Variants in BICDL1 observed in about 807,000 individuals in gnomAD.
The protein encoded by BICDL1 is BICD family like cargo adaptor 1, also known as BICD family-like cargo adapter 1.
Under a neutral mutation model 76.8 loss-of-function variants are expected in BICDL1, and 20 were observed. The ratio of observed to expected loss-of-function variants is 0.26; its 90% CI spans 0.18 to 0.38. BICDL1 has a LOEUF of 0.38. Ranked by LOEUF, BICDL1 falls within the 10% of genes least tolerant of loss-of-function variation. The pLI, the probability that BICDL1 is intolerant of heterozygous loss-of-function variation, is 1.00. For missense variants in BICDL1, 700 were observed against 798.6 expected (o/e 0.88, Z 1.49); for synonymous variants, 383 against 337.1 (o/e 1.14, Z -1.49).
At chr12:119,997,783 A>G (rs376387657) in intron 1 of BICDL1, among the ~76,000 whole-genome samples, 15 of 152,160 alleles carry the variant, frequency 9.9e-5, no homozygotes, top group African/African-American at 3.1e-4. Flanking sequence ...GTATTATGCC[A>G]TGGATAATAG....
chr12:120,032,774 G>A (rs187900349), intron 2 of BICDL1, among the ~76,000 whole-genome samples: 3,170 of 139,400 alleles, frequency 0.023, 127 homozygotes, highest in African/African-American at 0.082. Flanking sequence ...TTGAGATGGA[G>A]TCTTGCTCTG....
intron 1 of BICDL1, among the ~76,000 whole-genome samples, chr12:119,998,131 A>T (rs1323834237): frequency 6.6e-6 from 1 of 152,124 alleles, no homozygotes; most frequent in Admixed American, 6.5e-5. Context: ...TGGGCGACAG[A>T]GCAAGACTCC....
intron 2 of BICDL1, among the ~76,000 whole-genome samples, chr12:120,033,044 C>T (rs1305117160): frequency 5.9e-5 from 9 of 151,974 alleles, no homozygotes; most frequent in Non-Finnish European, 1.2e-4. Context: ...CATGCCTGGC[C>T]TATAATTTTT....
At chr12:120,029,116 A>G (rs1302439096) in intron 2 of BICDL1, among the ~76,000 whole-genome samples, 1 of 152,224 alleles carries the variant, frequency 6.6e-6, no homozygotes, top group East Asian at 1.9e-4. Flanking sequence ...CTGAGGGTGC[A>G]GGGCCTTTAG....
intron 2 of BICDL1, among the ~76,000 whole-genome samples, chr12:120,032,108 C>G (rs1384760309): frequency 6.6e-6 from 1 of 151,996 alleles, no homozygotes; most frequent in Non-Finnish European, 1.5e-5. Flanking sequence ...AAAATACTTC[C>G]CACTGTATCT....
intron 7 of BICDL1, among the ~76,000 whole-genome samples, chr12:120,076,903 G>A (rs560714076): frequency 4.3e-4 from 66 of 152,372 alleles, no homozygotes; most frequent in African/African-American, 1.5e-3. Flanking sequence ...CACCCACTGC[G>A]TGCCTGGTGC....
At chr12:120,090,147 A>G (rs1483309313) in intron 9 of BICDL1, 76 bp downstream of exon 9, 3 of 1,557,522 alleles carry the variant, frequency 1.9e-6, no homozygotes, top group Admixed American at 3.6e-5. Context: ...GTGTAAGGAG[A>G]GTTTGCCACT....
At chr12:120,086,444 G>T (rs2139008165) in intron 8 of BICDL1, among the ~76,000 whole-genome samples, 1 of 152,348 alleles carries the variant, frequency 6.6e-6, no homozygotes, top group African/African-American at 2.4e-5. Context: ...GGAGCGCTCA[G>T]ACACCAGGAA....
In BICDL1 at chr12:120,093,624, C is replaced by G. The variant is rs909188074; in HGVS notation, c.*463C>G. ...GACCTGTGGGGGCAGCGGGCCAGGCCTGAGCCTCCATTCCTTCCCCAGCCC... is the reference window on the plus strand; with the variant it reads ...GACCTGTGGGGGCAGCGGGCCAGGCGTGAGCCTCCATTCCTTCCCCAGCCC... On this transcript the variant is annotated 3_prime_UTR_variant, in exon 10 of 10. Transcript: ENST00000548673. The G allele has an allele frequency of 1.1e-5, 2 of 174,308 alleles. No individual in the cohort carries two copies. Among genetic ancestry groups the G allele is most frequent in the African/African-American group, 4.8e-5 (2 of 41,658 alleles). 10.8% of individuals were successfully genotyped at this position (174,308 alleles called of 1,614,324 possible).
chr12:120,017,155 C>G (rs1191256966), intron 2 of BICDL1, among the ~76,000 whole-genome samples: 1 of 152,206 alleles, frequency 6.6e-6, no homozygotes, highest in Admixed American at 6.5e-5. Context: ...CCTGGCCTCC[C>G]AAAGTGCTGG....
intron 6 of BICDL1, among the ~76,000 whole-genome samples, 197 bp downstream of exon 6, chr12:120,072,926 G>A (rs1196701909): frequency 6.6e-6 from 1 of 152,134 alleles, no homozygotes; most frequent in Non-Finnish European, 1.5e-5. Context: ...GCTGGAGTGA[G>A]GTGGCACAAT....
intron 2 of BICDL1, among the ~76,000 whole-genome samples, chr12:120,029,234 T>C (rs1316043655): frequency 6.6e-6 from 1 of 152,194 alleles, no homozygotes; most frequent in Non-Finnish European, 1.5e-5. Flanking sequence ...GAATGTACTA[T>C]GCAACCCCAG....
At chr12:120,015,749 A>G (rs1413911645) in intron 2 of BICDL1, among the ~76,000 whole-genome samples, 2 of 152,238 alleles carry the variant, frequency 1.3e-5, no homozygotes, top group Non-Finnish European at 2.9e-5. Context: ...GAACCCACCC[A>G]GAGAATTATT....
chr12:120,053,948 G>A (rs944162027), intron 2 of BICDL1, among the ~76,000 whole-genome samples: 2 of 151,952 alleles, frequency 1.3e-5, no homozygotes, highest in African/African-American at 4.8e-5. Flanking sequence ...CAAGGTGGGC[G>A]GATCACCTGA....
intron 2 of BICDL1, among the ~76,000 whole-genome samples, chr12:120,043,364 A>G (rs568181469): frequency 6.6e-6 from 1 of 152,374 alleles, no homozygotes; most frequent in South Asian, 2.1e-4. Flanking sequence ...GCTCCAAAAA[A>G]GAAAAGGATT....
intron 7 of BICDL1, among the ~76,000 whole-genome samples, chr12:120,075,287 CCT>C (rs1466983152): frequency 6.6e-6 from 1 of 152,180 alleles, no homozygotes; most frequent in Non-Finnish European, 1.5e-5. Context: ...TGCTCCTGCC[CCT>C]GTCCTTTCCT....
intron 1 of BICDL1, among the ~76,000 whole-genome samples, chr12:119,994,759 A>T (rs1343390920): frequency 6.6e-6 from 1 of 152,206 alleles, no homozygotes; most frequent in Non-Finnish European, 1.5e-5. Flanking sequence ...AAGTGCTGGG[A>T]TTACAGGCAT....
intron 7 of BICDL1, among the ~76,000 whole-genome samples, chr12:120,078,534 GGA>G (rs1491392446): frequency 6.6e-6 from 1 of 152,222 alleles, no homozygotes; most frequent in Non-Finnish European, 1.5e-5. Context: ...GCAGGAGGGA[GGA>G]GAGAGTAGAG....
At chr12:120,073,362 T>C (rs902781578) in intron 6 of BICDL1, among the ~76,000 whole-genome samples, 5 of 152,252 alleles carry the variant, frequency 3.3e-5, no homozygotes, top group African/African-American at 9.6e-5. Context: ...TAGAAGTTTG[T>C]ATCCAAGTAA....
Sources: allele counts gnomAD v4.1 joint callset (sites outside exome capture counted in the v4.1 genomes callset), GRCh38; gene constraint gnomAD v4.1.1; transcripts MANE v1.5; gene names NCBI Gene and HGNC (gene_info 2026-07-23, HGNC 2026-07-21).